STARD9: variants seen among roughly 807,000 people sequenced by gnomAD.
The protein encoded by STARD9 is StAR related lipid transfer domain containing 9, also known as stAR-related lipid transfer protein 9.
Under a neutral mutation model 399.8 loss-of-function variants are expected in STARD9, and 346 were observed. The ratio of observed to expected loss-of-function variants is 0.87; its 90% CI spans 0.79 to 0.95. The LOEUF is 0.95. STARD9 is among the 40% of genes least tolerant of loss of function. The pLI, the probability that STARD9 is intolerant of heterozygous loss-of-function variation, is 0.00. For missense variants in STARD9, 5,832 were observed against 5,667.5 expected (o/e 1.03, Z -0.93); for synonymous variants, 2,203 against 2,143.5 (o/e 1.03, Z -0.77).
At chr15:42,655,964 T>C (rs1276858842) in intron 9 of STARD9, among the ~76,000 whole-genome samples, 2 of 151,692 alleles carry the variant, frequency 1.3e-5, no homozygotes. Flanking sequence ...GCAACAAACA[T>C]AGGAAAAAAA....
At chr15:42,714,302 G>C (rs570531454) in intron 26 of STARD9, among the ~76,000 whole-genome samples, 1 of 152,060 alleles carries the variant, frequency 6.6e-6, no homozygotes, top group South Asian at 2.1e-4. Context: ...TCCTGACCTC[G>C]TGATCCACCC....
intron 7 of STARD9, among the ~76,000 whole-genome samples, chr15:42,647,119 AG>A (rs1334790261): frequency 6.6e-6 from 1 of 152,238 alleles, no homozygotes; most frequent in East Asian, 1.9e-4. Flanking sequence ...ATAATGAAAA[AG>A]CTTCAAATAT....
chr15:42,605,699 G>A (rs2141777518), intron 3 of STARD9, among the ~76,000 whole-genome samples: 1 of 152,316 alleles, frequency 6.6e-6, no homozygotes, highest in South Asian at 2.1e-4. Context: ...GCGTTCTGGG[G>A]ATATGCGCTG....
At chr15:42,665,944 A>G in intron 15 of STARD9, 96 bp downstream of exon 15, 3 of 967,430 alleles carry the variant, frequency 3.1e-6, no homozygotes, top group Non-Finnish European at 4.8e-6. Context: ...GGCAGGGCAG[A>G]GAAGAGCTGT....
rs1176148946 is a variant in STARD9, at chr15:42,692,800, C to T, written c.11222C>T (p.Thr3741Ile). The stretch of plus-strand genomic sequence containing the variant: ...GATGAGGGCAGCCAGACTGACCTCA[C>T]CTTACCCACCCTGTGCCTCCAGACT... ...TVDEGSQTDLTLPTLCLQTSE... is the reference protein window; with the variant it reads ...TVDEGSQTDLILPTLCLQTSE... The change falls in exon 23 of 33, where the codon ACC becomes ATC. Residue 3741 changes from threonine (T) to isoleucine (I), a missense_variant. Transcript: ENST00000290607. 8.5e-6 allele frequency: 13 copies of T among 1,537,086 alleles called. No homozygotes were observed. In the East Asian group the frequency reaches 2.7e-4, roughly 32 times the overall value.
intron 20 of STARD9, among the ~76,000 whole-genome samples, chr15:42,677,820 A>G (rs1381562121): frequency 6.6e-6 from 1 of 152,114 alleles, no homozygotes; most frequent in Non-Finnish European, 1.5e-5. Context: ...CACAGCCCCT[A>G]TTGCTGCCAG....
chr15:42,661,225 G>C lies in STARD9; in HGVS notation c.770G>C (p.Ser257Thr), dbSNP rs1023478003. 1 of 1,534,392 alleles carries C rather than the reference G, an allele frequency of 6.5e-7. No individual in the cohort carries two copies. Among genetic ancestry groups the C allele is most frequent in the African/African-American group, 1.4e-5 (1 of 72,972 alleles). ...SKINLVDLAG[S>T]ERADPSYCKD... ...ATCAACCTTGTGGACCTAGCAGGCA[G>C]GTAATTAGGATTTTAAAGCTAAGGG... is the stretch of plus-strand genomic sequence containing the variant. Residue 257 changes from serine (S) to threonine (T), a missense_variant and splice_region_variant, in exon 10 of 33, where the codon AGC (serine) becomes ACC (threonine). Coordinates refer to ENST00000290607, the MANE Select transcript of STARD9 (RefSeq NM_020759.3).
At chr15:42,665,993 C>A in intron 15 of STARD9, 145 bp downstream of exon 15, 1 of 710,060 alleles carries the variant, frequency 1.4e-6, no homozygotes, top group Non-Finnish European at 2.4e-6. Flanking sequence ...TAAGCCTTGA[C>A]CGGGGGATGT....
At chr15:42,603,126 C>T (rs1477644149) in intron 3 of STARD9, among the ~76,000 whole-genome samples, 1 of 152,116 alleles carries the variant, frequency 6.6e-6, no homozygotes, top group Non-Finnish European at 1.5e-5. Context: ...CTGTGATTTA[C>T]ATATATTTAC....
rs769678205 is a variant in STARD9 at position 42,688,074 on chromosome 15, G to C, written c.6496G>C (p.Glu2166Gln). The change falls in exon 23 of 33, where the codon GAG (glutamate) becomes CAG (glutamine). Residue 2166 changes from glutamate (E) to glutamine (Q), a missense_variant. Physicochemically the swap from Glu to Gln is conservative, Grantham distance 29 (BLOSUM62 2). Coordinates refer to ENST00000290607, the MANE Select transcript of STARD9 (RefSeq NM_020759.3). ...TGTACGAGAGAGTGAACCTGTGAGA[G>C]AGCACACCCACCCAGCTGGATCGGA... ...EGVRESEPVR[E>Q]HTHPAGSDRP... 3 of 1,537,406 alleles carry C rather than the reference G, an allele frequency of 2.0e-6. No individual in the cohort carries two copies. Among genetic ancestry groups the C allele is most frequent in the Non-Finnish European group, 1.7e-6 (2 of 1,146,954 alleles).
intron 1 of STARD9, among the ~76,000 whole-genome samples, chr15:42,576,372 G>T (rs565914422): frequency 6.6e-6 from 1 of 152,094 alleles, no homozygotes; most frequent in Admixed American, 6.5e-5. Flanking sequence ...TTTTGATTCC[G>T]CACCTCTCAT....
At chr15:42,652,163 T>A (rs2059773580) in intron 8 of STARD9, among the ~76,000 whole-genome samples, 1 of 152,158 alleles carries the variant, frequency 6.6e-6, no homozygotes. Flanking sequence ...TAAAATAAAA[T>A]AAAGTGAAAG....
rs138774845 is a variant in STARD9, at chr15:42,708,853, A to G, written c.13285-7824A>G. ...ATGCGTTTTTGGCAAAAAAAATACC[A>G]TAGAAGTGATTTGCCCTTCTGAAGG... On this transcript the variant is annotated intron_variant, in intron 26 of 32. Coordinates refer to ENST00000290607, the MANE Select transcript of STARD9 (RefSeq NM_020759.3). Among the ~76,000 whole-genome samples, 688 of 152,270 alleles carry G rather than the reference A, an allele frequency of 4.5e-3. 7 individuals carry two copies. The highest frequency in any genetic ancestry group is 0.016 in the African/African-American group (662 of 41,548).
intron 3 of STARD9, among the ~76,000 whole-genome samples, chr15:42,634,454 C>A (rs2059384189): frequency 1.3e-5 from 2 of 152,088 alleles, no homozygotes; most frequent in Admixed American, 1.3e-4. Flanking sequence ...ATCCTAAGAC[C>A]CTGAATTTGT....
intron 26 of STARD9, among the ~76,000 whole-genome samples, chr15:42,698,767 T>G (rs1055343673): frequency 6.6e-6 from 1 of 152,196 alleles, no homozygotes; most frequent in Non-Finnish European, 1.5e-5. Flanking sequence ...TGGTTTTATT[T>G]TTCATATTTA....
Position 42,687,225 on chromosome 15 carries a change from G to A in STARD9, c.5647G>A (p.Ala1883Thr). Residue 1883 changes from alanine to threonine, a missense_variant, in exon 23 of 33, where the codon GCA (alanine) becomes ACA (threonine). Coordinates refer to ENST00000290607, the MANE Select transcript of STARD9 (RefSeq NM_020759.3). The stretch of plus-strand genomic sequence containing the variant: ...TTTAAATAAAAAACACAGTTTTCCA[G>A]CACTTGAGGGAGGAGAGGTCACTGC... ...VILNKKHSFP[A>T]LEGGEVTAQS... 1.3e-6 allele frequency: 2 copies of A among 1,537,282 alleles called. No individual in the cohort carries two copies. The highest frequency in any genetic ancestry group is 1.7e-4 in the Middle Eastern group (1 of 5,994).
intron 3 of STARD9, among the ~76,000 whole-genome samples, chr15:42,587,036 TG>T (rs905513442): frequency 3.3e-5 from 5 of 151,970 alleles, no homozygotes; most frequent in Admixed American, 3.3e-4. Context: ...TTGTATTTTT[TG>T]TAGAGACAGG....
At chr15:42,673,822 C>G (rs1595747151) in intron 16 of STARD9, 4 of 430,512 alleles carry the variant, frequency 9.3e-6, no homozygotes, top group African/African-American at 2.0e-5. Context: ...TCCACTGATT[C>G]ATTTGTACTA....
At chr15:42,581,529 C>T (rs2058169875) in intron 1 of STARD9, 1 of 1,338,536 alleles carries the variant, frequency 7.5e-7, no homozygotes, top group Non-Finnish European at 1.0e-6. Context: ...GGCGGGTAGG[C>T]GGCGGCGCCG....
Sources: gnomAD v4.1 joint callset for allele counts (sites outside exome capture counted in the v4.1 genomes callset) on GRCh38, gnomAD v4.1.1 for gene constraint, MANE v1.5 for transcripts, NCBI Gene and HGNC (gene_info 2026-07-23, HGNC 2026-07-21) for gene names.